Variants in AOPEP observed in about 807,000 individuals in gnomAD.
AOPEP encodes aminopeptidase O (putative), also known as aminopeptidase O.
In AOPEP, 77 loss-of-function variants were observed where a neutral mutation model predicts 98.1. The observed-to-expected ratio is 0.78, with a 90% confidence interval of 0.65 to 0.95. AOPEP has a LOEUF of 0.95. AOPEP is among the 40% of genes least tolerant of loss of function. The pLI, the probability that AOPEP is intolerant of heterozygous loss-of-function variation, is 0.00. For missense variants in AOPEP, 1,024 were observed against 1,024.7 expected (o/e 1.00, Z 0.01); for synonymous variants, 346 against 365.3 (o/e 0.95, Z 0.60).
intron 6 of AOPEP, among the ~76,000 whole-genome samples, chr9:94,926,444 A>T (rs1270284382): frequency 6.6e-6 from 1 of 152,186 alleles, no homozygotes; most frequent in Non-Finnish European, 1.5e-5. Context: ...TTGGAGGTAC[A>T]TGCAGTAACT....
downstream of AOPEP, among the ~76,000 whole-genome samples, chr9:95,090,655 G>T (rs1243960927): frequency 6.6e-6 from 1 of 152,110 alleles, no homozygotes; most frequent in East Asian, 1.9e-4. Flanking sequence ...CTCCCTGCTG[G>T]GGTTGAAGGG....
chr9:95,149,883 G>C, the AOPEP span: 1 of 1,561,654 alleles, frequency 6.4e-7, no homozygotes, highest in South Asian at 1.2e-5. Flanking sequence ...CTAAGAAAAG[G>C]AAAAACGACG....
At chr9:94,843,537 G>C (rs1397172112) in intron 5 of AOPEP, among the ~76,000 whole-genome samples, 1 of 152,102 alleles carries the variant, frequency 6.6e-6, no homozygotes, top group African/African-American at 2.4e-5. Context: ...ATCTAGAATA[G>C]GCTCAACCAG....
chr9:95,040,379 A>C (rs76571747), intron 13 of AOPEP, among the ~76,000 whole-genome samples: 2 of 152,256 alleles, frequency 1.3e-5, no homozygotes, highest in East Asian at 3.8e-4. Flanking sequence ...GCTGTGTCCC[A>C]CGATATGTGA....
chr9:95,077,826 T>C (rs2069249251), intron 14 of AOPEP, among the ~76,000 whole-genome samples: 1 of 152,150 alleles, frequency 6.6e-6, no homozygotes, highest in South Asian at 2.1e-4. Context: ...GGCATGCGAA[T>C]TGTGGGTCCT....
intron 13 of AOPEP, among the ~76,000 whole-genome samples, chr9:95,057,751 A>G (rs1028204399): frequency 5.3e-5 from 8 of 152,114 alleles, no homozygotes; most frequent in Middle Eastern, 6.8e-3. Context: ...ATTTCCCCCC[A>G]TGAGTTAGAA....
intron 3 of AOPEP, among the ~76,000 whole-genome samples, chr9:94,787,560 G>A (rs559679348): frequency 3.9e-4 from 59 of 152,308 alleles, no homozygotes; most frequent in Non-Finnish European, 6.5e-4. Flanking sequence ...CCTGTTGTGC[G>A]TAGTGCTTCA....
the AOPEP span, chr9:95,135,651 A>G: frequency 3.0e-6 from 2 of 674,108 alleles, no homozygotes; most frequent in South Asian, 3.7e-5. Context: ...GAATCAGTGA[A>G]TATTTACCAA....
intron 5 of AOPEP, among the ~76,000 whole-genome samples, chr9:94,841,388 G>A (rs1269821570): frequency 2.6e-5 from 4 of 152,138 alleles, no homozygotes; most frequent in Admixed American, 2.0e-4. Flanking sequence ...TATCCAGGCT[G>A]GTCTTGAACT....
intron 7 of AOPEP, among the ~76,000 whole-genome samples, chr9:94,945,756 C>T (rs948376939): frequency 1.3e-5 from 2 of 152,130 alleles, no homozygotes; most frequent in African/African-American, 4.8e-5. Context: ...AAACGGGCTT[C>T]GAGCCTCCTC....
intron 5 of AOPEP, among the ~76,000 whole-genome samples, chr9:94,814,727 G>A (rs1851340662): frequency 6.6e-6 from 1 of 152,212 alleles, no homozygotes; most frequent in East Asian, 1.9e-4. Flanking sequence ...ACAAAAGAAA[G>A]CATCCTTAAG....
At position 94,743,192 on chromosome 9, in the gene AOPEP, A is replaced by AGG. The variant is rs1389675035; in HGVS notation, c.-136+16441_-136+16442insGG. On this transcript the variant is annotated intron_variant, in intron 1 of 16. Coordinates refer to ENST00000375315, the MANE Select transcript of AOPEP (RefSeq NM_001193329.3). ...AAAGAAGAAGAAGAAGAAGAAGAAG[A>AGG]AGAAGAAGAGGAAGAAGAGGAAGAA... 8.0e-4 allele frequency among the ~76,000 whole-genome samples: 98 copies of AGG among 122,658 alleles called. 1 individual carries two copies. Among genetic ancestry groups the AGG allele is most frequent in the Admixed American group, 1.6e-3 (19 of 11,652 alleles). The allele number at this position is 122,658 out of a possible 152,430, so 80.5% of individuals were successfully genotyped here. A position where few individuals can be genotyped will look rare whatever the true frequency, so the allele number is the denominator to read the frequency against.
intron 3 of AOPEP, among the ~76,000 whole-genome samples, chr9:94,788,434 T>C (rs1039696629): frequency 1.3e-5 from 2 of 152,170 alleles, no homozygotes; most frequent in East Asian, 1.9e-4. Flanking sequence ...CTGTGACTTA[T>C]TATTTCTGTA....
At chr9:95,060,643 T>C (rs775994095) in intron 13 of AOPEP, 51 bp from the exon 14 acceptor site, 2 of 1,214,912 alleles carry the variant, frequency 1.6e-6, no homozygotes, top group Admixed American at 3.4e-5. Flanking sequence ...TTGGGTGTTG[T>C]TTCTCATCAA....
chr9:94,908,132 C>G (rs909739769), intron 5 of AOPEP, among the ~76,000 whole-genome samples: 1 of 152,158 alleles, frequency 6.6e-6, no homozygotes, highest in Non-Finnish European at 1.5e-5. Flanking sequence ...TAATGTTTCC[C>G]TCTGGTTTTT....
intron 13 of AOPEP, among the ~76,000 whole-genome samples, chr9:95,036,335 A>G (rs1324390452): frequency 1.3e-5 from 2 of 152,222 alleles, no homozygotes; most frequent in Admixed American, 6.5e-5. Context: ...ATGAAGATGG[A>G]ATTTATCTGA....
intron 7 of AOPEP, among the ~76,000 whole-genome samples, chr9:94,946,012 T>A (rs983327990): frequency 6.6e-6 from 1 of 152,162 alleles, no homozygotes; most frequent in Non-Finnish European, 1.5e-5. Flanking sequence ...GAGACCTGTC[T>A]CAGCACATTG....
At chr9:95,067,291 G>A (rs374406788) in intron 14 of AOPEP, among the ~76,000 whole-genome samples, 3 of 152,320 alleles carry the variant, frequency 2.0e-5, no homozygotes, top group African/African-American at 2.4e-5. Flanking sequence ...CCTGCTCTGC[G>A]TGTAATGGTG....
At chr9:94,888,294 C>CGTGTGTGTGTGT (rs59342995) in intron 5 of AOPEP, among the ~76,000 whole-genome samples, 6,219 of 137,566 alleles carry the variant, frequency 0.045, 193 homozygotes, top group South Asian at 0.057. Context: ...AGAACCTTAC[C>CGTGTGTGTGTGT]GTGTGTGTGT....
Sources: gnomAD v4.1 joint callset for allele counts (sites outside exome capture counted in the v4.1 genomes callset) on GRCh38, gnomAD v4.1.1 for gene constraint, MANE v1.5 for transcripts, NCBI Gene and HGNC (gene_info 2026-07-23, HGNC 2026-07-21) for gene names.